The following HS3ST5 variants were observed in gnomAD, a reference collection of about 807,000 sequenced individuals.
The protein encoded by HS3ST5 is heparan sulfate glucosamine 3-O-sulfotransferase 5.
In HS3ST5, 10 loss-of-function variants were observed where a neutral mutation model predicts 25.4. The ratio of observed to expected loss-of-function variants is 0.39; its 90% confidence interval spans 0.24 to 0.67. The LOEUF is 0.67. Ranked by LOEUF, HS3ST5 falls within the 30% of genes least tolerant of loss-of-function variation. The pLI is 0.44. For synonymous variants in HS3ST5, 170 were observed against 162.4 expected (o/e 1.05, Z -0.36); for missense variants, 324 against 420.7 (o/e 0.77, Z 2.01).
intron 1 of HS3ST5, among the ~76,000 whole-genome samples, chr6:114,268,202 T>C (rs184171837): frequency 6.6e-6 from 1 of 152,294 alleles, no homozygotes; most frequent in East Asian, 1.9e-4. Context: ...TTTGTGCAGT[T>C]TCCACTCCTC....
intron 2 of HS3ST5, among the ~76,000 whole-genome samples, chr6:114,168,961 T>C (rs1779343833): frequency 6.6e-6 from 1 of 152,214 alleles, no homozygotes; most frequent in Non-Finnish European, 1.5e-5. Context: ...CTAAATTGAA[T>C]GTAAGCTACC....
intron 2 of HS3ST5, among the ~76,000 whole-genome samples, chr6:114,189,397 A>G (rs901795770): frequency 6.6e-6 from 1 of 151,914 alleles, no homozygotes; most frequent in Non-Finnish European, 1.5e-5. Context: ...TGGTCCTCTC[A>G]GTTGGGAAGC....
chr6:114,303,632 TG>T (rs1775176113), intron 1 of HS3ST5, among the ~76,000 whole-genome samples: 3 of 152,126 alleles, frequency 2.0e-5, no homozygotes, highest in Admixed American at 2.0e-4. Context: ...TTTCTCACGT[TG>T]GTACTTATCA....
chr6:114,262,501 T>A (rs938654508), intron 1 of HS3ST5, among the ~76,000 whole-genome samples: 2 of 151,866 alleles, frequency 1.3e-5, no homozygotes, highest in Non-Finnish European at 2.9e-5. Context: ...GAGCTGAGAC[T>A]GTGCCATTGC....
intron 3 of HS3ST5, among the ~76,000 whole-genome samples, chr6:114,139,452 G>A (rs1777795608): frequency 6.6e-6 from 1 of 151,662 alleles, no homozygotes; most frequent in Non-Finnish European, 1.5e-5. Context: ...CACTTCATCC[G>A]GGTAATTCAG....
intron 3 of HS3ST5, among the ~76,000 whole-genome samples, chr6:114,082,965 A>G (rs1173039547): frequency 6.6e-6 from 1 of 152,226 alleles, no homozygotes; most frequent in Non-Finnish European, 1.5e-5. Flanking sequence ...CCCTTGTCCA[A>G]GGGTGCACTC....
At chr6:114,077,039 G>C (rs980423860) in intron 3 of HS3ST5, among the ~76,000 whole-genome samples, 8 of 152,212 alleles carry the variant, frequency 5.3e-5, no homozygotes, top group African/African-American at 1.7e-4. Flanking sequence ...GTTATGGTGA[G>C]AATAGCTTTG....
At chr6:114,305,084 C>T (rs889833886) in intron 1 of HS3ST5, among the ~76,000 whole-genome samples, 1 of 152,080 alleles carries the variant, frequency 6.6e-6, no homozygotes, top group Non-Finnish European at 1.5e-5. Flanking sequence ...GCCTATCTTT[C>T]ACTTTGAATG....
intron 1 of HS3ST5, among the ~76,000 whole-genome samples, chr6:114,301,855 G>A (rs1394342875): frequency 2.0e-5 from 3 of 152,122 alleles, no homozygotes; most frequent in Non-Finnish European, 4.4e-5. Flanking sequence ...ACTTAAGTGT[G>A]TCTGCCAAAT....
At chr6:114,222,290 C>T (rs1782080122) in intron 2 of HS3ST5, among the ~76,000 whole-genome samples, 1 of 151,810 alleles carries the variant, frequency 6.6e-6, no homozygotes, top group Non-Finnish European at 1.5e-5. Flanking sequence ...TTATTGCCTG[C>T]CATGCCTCAA....
intron 3 of HS3ST5, among the ~76,000 whole-genome samples, chr6:114,150,866 C>T (rs759595288): frequency 4.6e-5 from 7 of 152,098 alleles, no homozygotes; most frequent in Non-Finnish European, 8.8e-5. Context: ...CATTGGAAAA[C>T]GTGTGTTTTG....
chr6:114,099,116 T>C (rs1775597453), intron 3 of HS3ST5, among the ~76,000 whole-genome samples: 1 of 152,182 alleles, frequency 6.6e-6, no homozygotes, highest in African/African-American at 2.4e-5. Flanking sequence ...TCTTCCATGT[T>C]GCAGAAAGGG....
In HS3ST5 at chr6:114,262,755, ACT is replaced by A. The variant is rs540820999; in HGVS notation, c.-338-33979_-338-33978del. ...AGATAAAAGCAAAAGGAACTTAAAA[ACT>A]CAATTATTTGGAATGCATGGGAGAC... On this transcript the variant is annotated intron_variant, in intron 1 of 4. Transcript: ENST00000312719. Among the ~76,000 whole-genome samples the A allele has an allele frequency of 1.0e-3, 158 of 152,244 alleles. 1 individual carries two copies. The highest frequency in any genetic ancestry group is 3.5e-3 in the African/African-American group (145 of 41,548).
chr6:114,072,679 G>A (rs1361803878), intron 3 of HS3ST5, among the ~76,000 whole-genome samples: 1 of 152,084 alleles, frequency 6.6e-6, no homozygotes, highest in Non-Finnish European at 1.5e-5. Context: ...CCATGAAGAG[G>A]ATAGGAAGAA....
chr6:114,312,207 G>A (rs1775563108), intron 1 of HS3ST5, among the ~76,000 whole-genome samples: 1 of 152,144 alleles, frequency 6.6e-6, no homozygotes, highest in Non-Finnish European at 1.5e-5. Flanking sequence ...TAAGAATAAT[G>A]GAGAAGAGTC....
At chr6:114,246,380 G>A (rs1008787424) in intron 1 of HS3ST5, among the ~76,000 whole-genome samples, 16 of 152,124 alleles carry the variant, frequency 1.1e-4, no homozygotes, top group African/African-American at 3.6e-4. Flanking sequence ...TTTGAGGATC[G>A]AAAGTGATAA....
chr6:114,191,861 C>A (rs1780519359), intron 2 of HS3ST5, among the ~76,000 whole-genome samples: 1 of 152,144 alleles, frequency 6.6e-6, no homozygotes, highest in East Asian at 1.9e-4. Flanking sequence ...ACCCTATTTT[C>A]ATTTAATTGA....
At chr6:114,143,112 G>A (rs1300466104) in intron 3 of HS3ST5, 4 of 152,150 alleles carry the variant, frequency 2.6e-5, no homozygotes, top group Non-Finnish European at 4.4e-5. Context: ...CTTTCAAACA[G>A]GAAGCATAAT....
intron 1 of HS3ST5, among the ~76,000 whole-genome samples, chr6:114,248,201 A>G (rs1772469963): frequency 8.5e-6 from 1 of 118,212 alleles, no homozygotes; most frequent in Non-Finnish European, 1.7e-5. Context: ...ATTCCATCTC[A>G]AAAAATGAAA....
Sources: gnomAD v4.1 joint callset for allele counts (sites outside exome capture counted in the v4.1 genomes callset) on GRCh38, gnomAD v4.1.1 for gene constraint, MANE v1.5 for transcripts, NCBI Gene and HGNC (gene_info 2026-07-23, HGNC 2026-07-21) for gene names.